Variants in PPFIA2 observed in about 807,000 individuals in gnomAD.
PPFIA2 encodes liprin-alpha-2.
A neutral mutation model predicts 175.5 loss-of-function variants in PPFIA2; 46 were observed. The ratio of observed to expected loss-of-function variants is 0.26; its 90% CI spans 0.21 to 0.34. The LOEUF (loss-of-function observed/expected upper bound fraction) is 0.34. PPFIA2 is among the 10% of genes least tolerant of loss of function. PPFIA2 has a pLI of 1.00. For synonymous variants in PPFIA2, 568 were observed against 511.4 expected (o/e 1.11, Z -1.49); for missense variants, 1,179 against 1,506.1 (o/e 0.78, Z 3.60).
At chr12:81,488,824 T>G (rs142139123) in intron 4 of PPFIA2, among the ~76,000 whole-genome samples, 20 of 151,976 alleles carry the variant, frequency 1.3e-4, no homozygotes, top group South Asian at 4.1e-4. Flanking sequence ...AACACATGAC[T>G]CTGAAGGGAT....
chr12:81,464,968 C>G (rs1479236512), intron 4 of PPFIA2, among the ~76,000 whole-genome samples: 1 of 151,252 alleles, frequency 6.6e-6, no homozygotes, highest in East Asian at 1.9e-4. Context: ...AAAAAAATGA[C>G]ATATTTTCTC....
intron 17 of PPFIA2, among the ~76,000 whole-genome samples, chr12:81,352,227 T>C (rs1034085910): frequency 4.6e-5 from 7 of 151,928 alleles, no homozygotes; most frequent in African/African-American, 1.7e-4. Context: ...GGCTCTCAGA[T>C]CCCTTAAAAG....
chr12:81,553,450 A>T (rs1372544458), intron 4 of PPFIA2, among the ~76,000 whole-genome samples: 1 of 152,058 alleles, frequency 6.6e-6, no homozygotes, highest in Non-Finnish European at 1.5e-5. Flanking sequence ...ATTTCTTTGA[A>T]TCTTAGCAGG....
intron 16 of PPFIA2, among the ~76,000 whole-genome samples, chr12:81,354,702 G>A (rs901949211): frequency 2.6e-5 from 4 of 151,840 alleles, no homozygotes; most frequent in Non-Finnish European, 4.4e-5. Context: ...GGAGGGCAGC[G>A]GCTTGATCTC....
intron 15 of PPFIA2, among the ~76,000 whole-genome samples, chr12:81,359,198 T>C (rs2061284517): frequency 6.6e-6 from 1 of 152,020 alleles, no homozygotes; most frequent in Non-Finnish European, 1.5e-5. Context: ...TATACTCTCT[T>C]TTTCAGTTAT....
chr12:81,663,685 C>A lies in PPFIA2; in HGVS notation c.303+13106G>T, dbSNP rs545635480. ...ACTTTCTTCACAGAATTGGAAAAAA[C>A]CACTTTAAAGTTCATATGGAACCAA... On this transcript the variant is annotated intron_variant, in intron 4 of 32. Transcript: ENST00000549396. Among the ~76,000 whole-genome samples, 390 of 152,252 alleles carry A rather than the reference C, an allele frequency of 2.6e-3. 2 individuals carry two copies. Among genetic ancestry groups the A allele is most frequent in the Non-Finnish European group, 4.1e-3 (280 of 68,024 alleles).
At chr12:81,294,584 G>T (rs1198143238) in intron 24 of PPFIA2, 2 of 483,192 alleles carry the variant, frequency 4.1e-6, no homozygotes, top group South Asian at 2.5e-5. Flanking sequence ...TTGTCGCTTG[G>T]GAGAAAAATC....
chr12:81,334,699 G>A (rs1011155867), intron 21 of PPFIA2, among the ~76,000 whole-genome samples: 1 of 151,998 alleles, frequency 6.6e-6, no homozygotes, highest in Admixed American at 6.6e-5. Context: ...CTAAACAAAA[G>A]TAACAATATA....
chr12:81,659,766 G>T (rs898382771), intron 4 of PPFIA2, among the ~76,000 whole-genome samples: 2 of 152,178 alleles, frequency 1.3e-5, no homozygotes, highest in Admixed American at 6.5e-5. Context: ...CCTCAAGTGA[G>T]TCCCTGACCC....
intron 7 of PPFIA2, among the ~76,000 whole-genome samples, chr12:81,433,244 C>A (rs2048411640): frequency 6.6e-6 from 1 of 152,172 alleles, no homozygotes; most frequent in Non-Finnish European, 1.5e-5. Context: ...TCTCCTCAGC[C>A]TGAAATACTT....
chr12:81,743,122 T>TA (rs2082532065), intron 3 of PPFIA2, among the ~76,000 whole-genome samples: 1 of 151,580 alleles, frequency 6.6e-6, no homozygotes, highest in Non-Finnish European at 1.5e-5. Flanking sequence ...CGTAGCCAAT[T>TA]AAAAAAACAA....
At chr12:81,745,945 A>ATGGATCTGTGCATT (rs1410301925) in intron 3 of PPFIA2, among the ~76,000 whole-genome samples, 1 of 146,410 alleles carries the variant, frequency 6.8e-6, no homozygotes, top group South Asian at 2.2e-4. Flanking sequence ...ACAACAAACA[A>ATGGATCTGTGCATT]ACAGCTTTCC....
Position 81,271,106 on chromosome 12 carries a change from T to A in PPFIA2, c.3311-3019A>T, listed in dbSNP as rs1283996098. ...TATACAGCATATCATTGTTTTTTAATCTGTCCTTAAATTGAAGTAGTTAGT... is the reference window on the plus strand; with the variant it reads ...TATACAGCATATCATTGTTTTTTAAACTGTCCTTAAATTGAAGTAGTTAGT... On this transcript the variant is annotated intron_variant, in intron 28 of 32. Transcript: ENST00000549396. 3.3e-5 allele frequency among the ~76,000 whole-genome samples: 5 copies of A among 152,216 alleles called. No individual in the cohort carries two copies. In the East Asian group the frequency reaches 9.6e-4, roughly 29 times the overall value.
At chr12:81,627,297 T>C (rs1227674000) in intron 4 of PPFIA2, among the ~76,000 whole-genome samples, 3 of 152,132 alleles carry the variant, frequency 2.0e-5, no homozygotes, top group Admixed American at 6.6e-5. Flanking sequence ...CCTAAAATGT[T>C]TGTAACACAA....
rs150512203 is a variant in PPFIA2 at position 81,332,804 on chromosome 12, T to C, written c.2548+6376A>G. Among the ~76,000 whole-genome samples the C allele has an allele frequency of 4.6e-4, 70 of 152,278 alleles. No individual in the cohort carries two copies. The East Asian group carries it at 0.013, about 27-fold the overall frequency. ...GAGCCAGGATTCACTATCAACTCTCTTACTAAGTAGCTGCTCTGTCTTCTG... is the reference window on the plus strand; with the variant it reads ...GAGCCAGGATTCACTATCAACTCTCCTACTAAGTAGCTGCTCTGTCTTCTG... On this transcript the variant is annotated intron_variant, in intron 21 of 32. Transcript: ENST00000549396.
At chr12:81,671,444 C>G (rs1442904113) in intron 4 of PPFIA2, among the ~76,000 whole-genome samples, 1 of 150,194 alleles carries the variant, frequency 6.7e-6, no homozygotes, top group Non-Finnish European at 1.5e-5. Flanking sequence ...GGGAGACAGA[C>G]AAAAAAAAAG....
intron 4 of PPFIA2, chr12:81,465,360 G>C (rs968516472): frequency 3.3e-5 from 5 of 152,144 alleles, no homozygotes; most frequent in Admixed American, 2.6e-4. Flanking sequence ...CACCCTCACC[G>C]ACCACAAAAA....
intron 3 of PPFIA2, among the ~76,000 whole-genome samples, chr12:81,729,290 T>G (rs2080519295): frequency 6.6e-6 from 1 of 151,420 alleles, no homozygotes; most frequent in Non-Finnish European, 1.5e-5. Context: ...CTAACCATGG[T>G]CACACAGAAA....
At chr12:81,260,626 A>T (rs1280997503) in intron 32 of PPFIA2, 1 of 152,154 alleles carries the variant, frequency 6.6e-6, no homozygotes, top group Admixed American at 6.5e-5. Context: ...TCTTATCGGG[A>T]TGCTTTTCAT....
Sources: allele counts gnomAD v4.1 joint callset (sites outside exome capture counted in the v4.1 genomes callset), GRCh38; gene constraint gnomAD v4.1.1; transcripts MANE v1.5; gene names NCBI Gene and HGNC (gene_info 2026-07-23, HGNC 2026-07-21).